Variants in FAAH2 observed in about 807,000 individuals in gnomAD.
FAAH2 encodes the protein fatty acid amide hydrolase 2.
In FAAH2, 60 loss-of-function variants were observed where a neutral mutation model predicts 36.9. The ratio of observed to expected loss-of-function variants is 1.63; its 90% CI spans 1.32 to 2.02. The LOEUF (loss-of-function observed/expected upper bound fraction) is 2.02. FAAH2 is among the 30% of genes most tolerant of loss of function. FAAH2 has a pLI of 0.00. For missense variants in FAAH2, 689 were observed against 397.5 expected, an observed-to-expected ratio of 1.73 and a Z score of -6.23; for synonymous variants, 214 against 143.8, an observed-to-expected ratio of 1.49 and a Z score of -3.49.
chrX:57,422,795 T>C (rs1263332486), intron 7 of FAAH2, among the ~76,000 whole-genome samples: 1 of 112,056 alleles, frequency 8.9e-6, no homozygotes, highest in Non-Finnish European at 1.9e-5. Context: ...AGAGGCTTTG[T>C]TATCACACCA....
At chrX:57,277,928 C>A in the FAAH2 span, among the ~76,000 whole-genome samples, 1 of 111,149 alleles carries the variant, frequency 9.0e-6, no homozygotes. Flanking sequence ...AAAACCGGAG[C>A]AAAACAAATG....
At chrX:57,463,773 G>A (rs1013562206) in intron 10 of FAAH2, among the ~76,000 whole-genome samples, 3 of 111,710 alleles carry the variant, frequency 2.7e-5, no homozygotes, top group East Asian at 5.7e-4. Context: ...GTCAGGATGT[G>A]GAGAAATAGG....
intron 10 of FAAH2, among the ~76,000 whole-genome samples, chrX:57,484,196 G>A (rs766166894): frequency 2.6e-4 from 29 of 110,868 alleles, no homozygotes; most frequent in Non-Finnish European, 3.2e-4. Flanking sequence ...CAAGAAGATG[G>A]GTATTTCATC....
chrX:57,219,144 T>C, the FAAH2 span, among the ~76,000 whole-genome samples: 1 of 111,626 alleles, frequency 9.0e-6, no homozygotes, highest in African/African-American at 3.3e-5. Flanking sequence ...TACGTCAGAC[T>C]AGGACACTTC....
chrX:57,400,128 C>G (rs1457235256), intron 7 of FAAH2, among the ~76,000 whole-genome samples: 1 of 112,184 alleles, frequency 8.9e-6, no homozygotes, highest in Admixed American at 9.4e-5. Context: ...CACAGGTGTG[C>G]AGTTGCAGCA....
chrX:57,300,242 C>G (rs2052306635), intron 2 of FAAH2, among the ~76,000 whole-genome samples: 1 of 111,646 alleles, frequency 9.0e-6, no homozygotes, highest in Admixed American at 9.5e-5. Context: ...CAGTATGGTA[C>G]TGGTACCAAA....
At chrX:57,180,777 A>T in the FAAH2 span, among the ~76,000 whole-genome samples, 1 of 111,609 alleles carries the variant, frequency 9.0e-6, no homozygotes, top group African/African-American at 3.3e-5. Flanking sequence ...TCCCCACTGC[A>T]TTCTATGAGG....
intron 10 of FAAH2, among the ~76,000 whole-genome samples, chrX:57,471,617 T>C (rs2057168306): frequency 8.9e-6 from 1 of 111,887 alleles, no homozygotes; most frequent in African/African-American, 3.3e-5. Flanking sequence ...GGAAGAACAT[T>C]CCATGCTTAT....
rs186184726 is a variant in FAAH2 at position 57,310,901 on chromosome X, G to T, written c.412+172G>T. Among the ~76,000 whole-genome samples the T allele has an allele frequency of 8.0e-5, 9 of 112,033 alleles. No homozygotes were observed. The East Asian group carries it at 2.5e-3, about 32-fold the overall frequency. On this transcript the variant is annotated intron_variant, in intron 3 of 10. Coordinates refer to ENST00000374900, the MANE Select transcript of FAAH2 (RefSeq NM_174912.4). ...TTCCATTGGGAAAATAAATGATAATGGTCATCCTCTGTTAGCTCTGTATGG... is the reference window on the plus strand; with the variant it reads ...TTCCATTGGGAAAATAAATGATAATTGTCATCCTCTGTTAGCTCTGTATGG...
chrX:57,411,246 C>T (rs961040448), intron 7 of FAAH2, among the ~76,000 whole-genome samples: 3 of 111,815 alleles, frequency 2.7e-5, no homozygotes, highest in Non-Finnish European at 5.6e-5. Flanking sequence ...TCTGACCATC[C>T]CATTTATTTT....
chrX:57,415,960 A>G (rs1236110696), intron 7 of FAAH2, among the ~76,000 whole-genome samples: 1 of 111,688 alleles, frequency 9.0e-6, no homozygotes, highest in African/African-American at 3.3e-5. Context: ...TGTTGCATTT[A>G]TCACTTTATC....
chrX:57,124,694 T>C, the FAAH2 span, among the ~76,000 whole-genome samples: 1 of 111,812 alleles, frequency 8.9e-6, no homozygotes, highest in South Asian at 3.7e-4. Flanking sequence ...CAGTGGTTTG[T>C]AGTTCTCCTT....
intron 3 of FAAH2, among the ~76,000 whole-genome samples, chrX:57,323,328 C>T (rs892729779): frequency 1.8e-5 from 2 of 111,390 alleles, no homozygotes; most frequent in African/African-American, 6.5e-5. Context: ...GCATGATTTA[C>T]AATCTTTTGG....
the FAAH2 span, among the ~76,000 whole-genome samples, chrX:57,238,532 G>A: frequency 9.0e-6 from 1 of 111,269 alleles, no homozygotes; most frequent in African/African-American, 3.3e-5. Context: ...ATGGACACTA[G>A]ACTTAACATG....
In FAAH2 at chrX:57,443,922, A is replaced by G. The variant is rs183076161; in HGVS notation, c.1117-3006A>G. On this transcript the variant is annotated intron_variant, in intron 8 of 10. Transcript: ENST00000374900. ...GGGTATCACCAGCAGAGGCTGCAGA[A>G]CAGCAAATATTGCAGAATGGCTGAT... is the stretch of plus-strand genomic sequence containing the variant. Among the ~76,000 whole-genome samples the G allele has an allele frequency of 6.3e-4, 71 of 112,109 alleles. 1 individual carries two copies. Among genetic ancestry groups the G allele is most frequent in the Non-Finnish European group, 8.5e-4 (45 of 53,247 alleles).
chrX:57,431,779 G>GTTTTTTTTTTTTTT, intron 7 of FAAH2, 139 bp from the exon 8 acceptor site: 1 of 83,469 alleles, frequency 1.2e-5, no homozygotes, highest in African/African-American at 7.1e-5. Context: ...TTGTTTTTTT[G>GTTTTTTTTTTTTTT]TTTTTTTGTT....
intron 7 of FAAH2, among the ~76,000 whole-genome samples, chrX:57,388,432 G>C (rs2055080187): frequency 9.0e-6 from 1 of 110,943 alleles, no homozygotes; most frequent in South Asian, 3.7e-4. Flanking sequence ...TACCTATTTT[G>C]TAGAAAAATA....
At chrX:57,373,012 A>G (rs898257508) in intron 5 of FAAH2, among the ~76,000 whole-genome samples, 1 of 111,446 alleles carries the variant, frequency 9.0e-6, no homozygotes, top group African/African-American at 3.3e-5. Flanking sequence ...ACTTAGAATA[A>G]TGGTCTCTAA....
At chrX:57,394,511 A>C in intron 7 of FAAH2, 2 of 1,207,477 alleles carry the variant, frequency 1.7e-6, no homozygotes, top group Non-Finnish European at 2.2e-6. Context: ...AGGTGTCTTG[A>C]GGTTAAGGTT....
Sources: gnomAD v4.1 joint callset for allele counts (sites outside exome capture counted in the v4.1 genomes callset) on GRCh38, gnomAD v4.1.1 for gene constraint, MANE v1.5 for transcripts, NCBI Gene and HGNC (gene_info 2026-07-23, HGNC 2026-07-21) for gene names.